The following ACSS1 variants were observed in gnomAD, a reference collection of about 807,000 sequenced individuals.
ACSS1 encodes acyl-CoA synthetase short chain family member 1, also known as acetyl-coenzyme A synthetase 2-like, mitochondrial.
ACSS1 carries 42 observed loss-of-function variants against 75.3 expected under a neutral mutation model. The ratio of observed to expected loss-of-function variants is 0.56; its 90% CI spans 0.44 to 0.72. ACSS1 has a LOEUF of 0.72. Ranked by LOEUF, ACSS1 falls within the 30% of genes least tolerant of loss-of-function variation. The pLI is 0.00. For synonymous variants in ACSS1, 380 were observed against 376.8 expected (o/e 1.01, Z -0.10); for missense variants, 782 against 935.7 (o/e 0.84, Z 2.14).
intron 7 of ACSS1, among the ~76,000 whole-genome samples, chr20:25,019,144 C>T (rs1021041774): frequency 4.6e-5 from 7 of 152,212 alleles, no homozygotes. Flanking sequence ...TGGTCACTGC[C>T]CTGCATGCTT....
intron 7 of ACSS1, among the ~76,000 whole-genome samples, chr20:25,016,218 G>A (rs550632130): frequency 5.5e-4 from 83 of 152,266 alleles, no homozygotes; most frequent in South Asian, 2.9e-3. Context: ...AAGTGCAGCC[G>A]GATCTGTCCG....
intron 13 of ACSS1, among the ~76,000 whole-genome samples, chr20:25,008,698 C>T (rs773276773): frequency 3.9e-5 from 6 of 152,182 alleles, no homozygotes; most frequent in Admixed American, 2.0e-4. Context: ...TGGGGGTCTG[C>T]GATCTCCTTC....
chr20:25,044,559 GT>G (rs2089055856), intron 2 of ACSS1, among the ~76,000 whole-genome samples: 1 of 152,180 alleles, frequency 6.6e-6, no homozygotes, highest in African/African-American at 2.4e-5. Flanking sequence ...GCTACAGTGA[GT>G]TGTGACAGTA....
intron 2 of ACSS1, among the ~76,000 whole-genome samples, chr20:25,043,313 G>A (rs998184200): frequency 1.8e-4 from 28 of 152,210 alleles, no homozygotes; most frequent in Non-Finnish European, 2.6e-4. Flanking sequence ...CTAAATGGCT[G>A]TGTTCGAAGA....
At position 25,023,065 on chromosome 20, in the gene ACSS1, C is replaced by T. The variant is rs144714391; in HGVS notation, c.835G>A (p.Ala279Thr). ...QEMAKEDPVC[A>T]PESMGSEDML... ...TCCTCACTGCCCATGCTCTCTGGGG[C>T]GCAAACAGGGTCCTCCTTGGCCATT... The change falls in exon 5 of 14, where the codon GCC (alanine) becomes ACC (threonine). Residue 279 changes from alanine to threonine, a missense_variant. This residue lies in a region of ACSS1 where 405 missense variants were observed against 552.6 expected (regional missense o/e 0.73). Transcript: ENST00000323482. The T allele has an allele frequency of 6.6e-5, 106 of 1,613,454 alleles. No homozygotes were observed. The African/African-American group carries it at 8.4e-4, about 13-fold the overall frequency.
chr20:25,048,742 C>T (rs1159433498), intron 1 of ACSS1, among the ~76,000 whole-genome samples: 2 of 152,224 alleles, frequency 1.3e-5, no homozygotes, highest in South Asian at 4.1e-4. Flanking sequence ...AGAAGTGGCT[C>T]GTGATGGGGA....
Position 25,030,825 on chromosome 20 carries a change from C to T in ACSS1, c.565G>A (p.Gly189Arg), listed in dbSNP as rs749564458. ...VAAMLACARIGAVHTVIFAGF... is the reference protein window; with the variant it reads ...VAAMLACARIRAVHTVIFAGF... ...GCAAAGATGACTGTGTGGACAGCTC[C>T]GATCCTGGCACAGGCCAGCATTGCT... is the stretch of plus-strand genomic sequence containing the variant. Residue 189 changes from glycine to arginine, a missense_variant, in exon 3 of 14, where the codon GGA becomes AGA. Gly to Arg is a moderately radical substitution (Grantham distance 125, BLOSUM62 -2). Transcript: ENST00000323482. 1.6e-5 allele frequency: 26 copies of T among 1,614,130 alleles called. No individual in the cohort carries two copies. The highest frequency in any genetic ancestry group is 2.1e-5 in the Non-Finnish European group (25 of 1,180,054).
At chr20:25,008,846 C>T (rs972082181) in intron 13 of ACSS1, among the ~76,000 whole-genome samples, 2 of 152,210 alleles carry the variant, frequency 1.3e-5, no homozygotes, top group Non-Finnish European at 2.9e-5. Flanking sequence ...TGCCAACATA[C>T]GAGAGCAGAA....
At chr20:25,022,593 G>A (rs2122641366) in intron 5 of ACSS1, among the ~76,000 whole-genome samples, 1 of 152,336 alleles carries the variant, frequency 6.6e-6, no homozygotes, top group South Asian at 2.1e-4. Flanking sequence ...AGTGGCATTT[G>A]CCTTATAATA....
intron 2 of ACSS1, chr20:25,032,412 G>T (rs1266356477): frequency 8.5e-6 from 12 of 1,404,634 alleles, no homozygotes; most frequent in Middle Eastern, 1.8e-4. Context: ...CGATCCCAAG[G>T]TTGTCTTTCC....
At chr20:25,044,244 A>G (rs898519599) in intron 2 of ACSS1, among the ~76,000 whole-genome samples, 1 of 152,168 alleles carries the variant, frequency 6.6e-6, no homozygotes, top group Non-Finnish European at 1.5e-5. Flanking sequence ...CGCTTTTCCG[A>G]AAGAGAGGAA....
At chr20:25,024,411 A>T (rs2088679372) in intron 3 of ACSS1, among the ~76,000 whole-genome samples, 1 of 152,202 alleles carries the variant, frequency 6.6e-6, no homozygotes, top group Admixed American at 6.5e-5. Context: ...GAGGGATCAC[A>T]GCTGCGGGGG....
At chr20:25,045,474 G>A (rs1456144573) in intron 2 of ACSS1, among the ~76,000 whole-genome samples, 1 of 152,226 alleles carries the variant, frequency 6.6e-6, no homozygotes, top group Non-Finnish European at 1.5e-5. Flanking sequence ...GGTCACCTGG[G>A]ATTGTAACAC....
intron 2 of ACSS1, among the ~76,000 whole-genome samples, chr20:25,039,302 G>T (rs781100425): frequency 5.3e-5 from 8 of 152,208 alleles, no homozygotes; most frequent in Non-Finnish European, 1.0e-4. Flanking sequence ...CTGTCAGCCA[G>T]CTCCTCAGTA....
intron 2 of ACSS1, among the ~76,000 whole-genome samples, chr20:25,044,735 G>C (rs974249325): frequency 6.6e-6 from 1 of 152,254 alleles, no homozygotes; most frequent in Non-Finnish European, 1.5e-5. Context: ...GGGCCACTAG[G>C]CCTACAGCCT....
At chr20:25,049,467 C>A (rs544152775) in intron 1 of ACSS1, among the ~76,000 whole-genome samples, 5 of 152,304 alleles carry the variant, frequency 3.3e-5, no homozygotes, top group Admixed American at 2.6e-4. Context: ...CCACACTGAA[C>A]ACTGAGGGAA....
At chr20:25,013,009 G>T (rs563975108) in intron 10 of ACSS1, 70 bp from the exon 11 acceptor site, 7 of 1,605,720 alleles carry the variant, frequency 4.4e-6, no homozygotes, top group South Asian at 1.1e-5. Flanking sequence ...CTCAGTAAGC[G>T]TGAAGCTCTG....
intron 2 of ACSS1, among the ~76,000 whole-genome samples, chr20:25,035,453 T>A (rs6037010): frequency 0.28 from 42,125 of 151,764 alleles, 6,162 homozygotes; most frequent in Middle Eastern, 0.36. Context: ...TCACCCAGAC[T>A]GGAGTGCAGG....
At chr20:25,044,189 C>A (rs560131046) in intron 2 of ACSS1, among the ~76,000 whole-genome samples, 1 of 152,332 alleles carries the variant, frequency 6.6e-6, no homozygotes, top group East Asian at 1.9e-4. Flanking sequence ...AACACACCAG[C>A]TAGGCAGCAG....
Sources: gnomAD v4.1 joint callset for allele counts (sites outside exome capture counted in the v4.1 genomes callset) on GRCh38, gnomAD v4.1.1 for gene constraint, gnomAD v4.1.1 regional missense constraint, MANE v1.5 for transcripts, NCBI Gene and HGNC (gene_info 2026-07-23, HGNC 2026-07-21) for gene names.